Variants in ITPR2 observed in about 807,000 individuals in gnomAD.
ITPR2 encodes inositol 1,4,5-trisphosphate receptor type 2.
A neutral mutation model predicts 317.1 loss-of-function variants in ITPR2; 207 were observed. The ratio of observed to expected loss-of-function variants is 0.65; its 90% confidence interval spans 0.58 to 0.73. The LOEUF (loss-of-function observed/expected upper bound fraction) is 0.73, where lower values mean the gene tolerates loss of function less well. ITPR2 is among the 30% of genes least tolerant of loss of function. The pLI, the probability that ITPR2 is intolerant of heterozygous loss-of-function variation, is 0.00. For missense variants in ITPR2, 2,613 were observed against 3,284.0 expected (o/e 0.80, Z 4.99); for synonymous variants, 1,156 against 1,149.1 (o/e 1.01, Z -0.12).
At chr12:26,375,253 G>A (rs1360041694) in intron 55 of ITPR2, among the ~76,000 whole-genome samples, 3 of 152,162 alleles carry the variant, frequency 2.0e-5, no homozygotes, top group Non-Finnish European at 4.4e-5. Context: ...CAGCACAGCA[G>A]GAGGAAATCT....
intron 37 of ITPR2, among the ~76,000 whole-genome samples, chr12:26,512,636 A>C (rs939034323): frequency 6.6e-6 from 1 of 152,150 alleles, no homozygotes; most frequent in African/African-American, 2.4e-5. Context: ...TTGATGTCTC[A>C]TGTCTCCCAA....
At chr12:26,432,417 A>T (rs1941235322) in intron 48 of ITPR2, among the ~76,000 whole-genome samples, 1 of 152,170 alleles carries the variant, frequency 6.6e-6, no homozygotes, top group Admixed American at 6.5e-5. Context: ...ATCAGGAGGC[A>T]TGTGATGTTG....
At chr12:26,655,109 T>TTGGTGAAA (rs1947341397) in intron 20 of ITPR2, among the ~76,000 whole-genome samples, 2 of 152,208 alleles carry the variant, frequency 1.3e-5, no homozygotes, top group Non-Finnish European at 2.9e-5. Flanking sequence ...ACTGAAAGTA[T>TTGGTGAAA]TTCAATTCAG....
chr12:26,657,946 G>A, intron 17 of ITPR2, 54 bp from the exon 18 acceptor site: 1 of 1,603,900 alleles, frequency 6.2e-7, no homozygotes, highest in Admixed American at 1.7e-5. Flanking sequence ...TTGTAAATAT[G>A]ACAAAGAATT....
chr12:26,395,677 T>C (rs1217145019), intron 54 of ITPR2, among the ~76,000 whole-genome samples: 1 of 152,190 alleles, frequency 6.6e-6, no homozygotes, highest in East Asian at 1.9e-4. Flanking sequence ...ATCATTCTCC[T>C]GTATGGGACT....
At position 26,398,879 on chromosome 12, in the gene ITPR2, A is replaced by C; in HGVS notation, c.7693T>G (p.Cys2565Gly). ...TTAGCATCTGCCGAACACTTACCAC[A>C]GATGAAACAAGTTGTCTTTAGAATT... Reference protein sequence around the residue: ...EEILKTTCFICGLERDKFDNK... With the variant: ...EEILKTTCFIGGLERDKFDNK... Residue 2565 changes from cysteine to glycine, a missense_variant, in exon 54 of 57, where the codon TGT (cysteine) becomes GGT (glycine). Physicochemically the swap from Cys to Gly is radical, Grantham distance 159 (BLOSUM62 -3). This residue lies in a region of ITPR2 where 28 missense variants were observed against 76.0 expected (regional missense o/e 0.37). Coordinates refer to ENST00000381340, the MANE Select transcript of ITPR2 (RefSeq NM_002223.4). The C allele has an allele frequency of 6.2e-7, 1 of 1,609,814 alleles. No homozygotes were observed. Among genetic ancestry groups the C allele is most frequent in the Non-Finnish European group, 8.5e-7 (1 of 1,178,726 alleles).
At position 26,723,407 on chromosome 12, in the gene ITPR2, T is replaced by A. The variant is rs1464406980; in HGVS notation, c.367-852A>T. Reference sequence around the variant, plus strand: ...TTGGGATCCACCATGTTCAAGAACATGGCTCAGCCCCTCAATGACCAAGCT... The same window carrying A: ...TTGGGATCCACCATGTTCAAGAACAAGGCTCAGCCCCTCAATGACCAAGCT... On this transcript the variant is annotated intron_variant, in intron 4 of 56. Coordinates refer to ENST00000381340, the MANE Select transcript of ITPR2 (RefSeq NM_002223.4). Among the ~76,000 whole-genome samples, 5 of 152,144 alleles carry A rather than the reference T, an allele frequency of 3.3e-5. No individual in the cohort carries two copies. In the East Asian group the frequency reaches 9.6e-4, roughly 29 times the overall value.
chr12:26,774,576 G>C (rs1341443888), intron 2 of ITPR2, among the ~76,000 whole-genome samples: 3 of 152,024 alleles, frequency 2.0e-5, no homozygotes, highest in Non-Finnish European at 2.9e-5. Flanking sequence ...TTTGATCTTG[G>C]TGACTGAGCA....
At chr12:26,345,551 G>T (rs1938279620) in intron 55 of ITPR2, among the ~76,000 whole-genome samples, 1 of 152,094 alleles carries the variant, frequency 6.6e-6, no homozygotes, top group Admixed American at 6.6e-5. Context: ...GTTGACTGTG[G>T]GTAACTGGAA....
chr12:26,799,335 C>T (rs140523581), intron 1 of ITPR2, among the ~76,000 whole-genome samples: 43 of 152,306 alleles, frequency 2.8e-4, no homozygotes, highest in Non-Finnish European at 4.9e-4. Flanking sequence ...AATGCTATCA[C>T]CCTGACCAAA....
intron 38 of ITPR2, 67 bp downstream of exon 38, chr12:26,495,085 A>G (rs1591829519): frequency 2.4e-6 from 2 of 846,902 alleles, no homozygotes; most frequent in East Asian, 2.4e-5. Context: ...GTAAAATACT[A>G]GAGTAACACT....
At chr12:26,452,381 C>CAA (rs5797176) in intron 45 of ITPR2, among the ~76,000 whole-genome samples, 1 of 151,822 alleles carries the variant, frequency 6.6e-6, no homozygotes, top group African/African-American at 2.4e-5. Context: ...AACACATTTT[C>CAA]AAAAAAATGA....
intron 52 of ITPR2, among the ~76,000 whole-genome samples, chr12:26,407,775 C>G (rs2136664178): frequency 6.6e-6 from 1 of 152,304 alleles, no homozygotes; most frequent in South Asian, 2.1e-4. Flanking sequence ...TTTAATGCCT[C>G]TTTCCTTAGG....
chr12:26,693,084 A>C (rs977635302), intron 10 of ITPR2, among the ~76,000 whole-genome samples: 5 of 152,168 alleles, frequency 3.3e-5, no homozygotes, highest in African/African-American at 1.2e-4. Context: ...CTTTGCTCTC[A>C]AGCTAGGTAT....
At chr12:26,384,557 G>A (rs1316427857) in intron 55 of ITPR2, among the ~76,000 whole-genome samples, 1 of 152,178 alleles carries the variant, frequency 6.6e-6, no homozygotes, top group Non-Finnish European at 1.5e-5. Context: ...ACATGGATAA[G>A]TACTTGGATA....
chr12:26,418,260 A>G (rs893134071), intron 50 of ITPR2, among the ~76,000 whole-genome samples: 3 of 152,158 alleles, frequency 2.0e-5, no homozygotes, highest in Non-Finnish European at 4.4e-5. Context: ...ACTTGTTTTC[A>G]GGGATCATCT....
At chr12:26,387,671 C>T in intron 54 of ITPR2, 77 bp from the exon 55 acceptor site, 1 of 1,364,596 alleles carries the variant, frequency 7.3e-7, no homozygotes, top group Non-Finnish European at 1.0e-6. Flanking sequence ...AAACAAAACA[C>T]AATAATTATT....
chr12:26,439,143 C>T lies in ITPR2; in HGVS notation c.6627G>A (p.Trp2209Ter). ...TGTACTTACTCCTGATTTTCTTCTG[C>T]CACTTCATTTCATTGTAGAGATCTT... is the stretch of plus-strand genomic sequence containing the variant. ...QTEDLYNEMK[W>*]QKKIRNNPAL... The change falls in exon 47 of 57, where the codon TGG becomes TGA. Residue 2209 changes from tryptophan (W) to a stop codon, truncating the protein, a stop_gained. Transcript: ENST00000381340. LOFTEE classifies it high-confidence loss of function. 6.2e-7 allele frequency: 1 copy of T among 1,605,000 alleles called. No homozygotes were observed. Among genetic ancestry groups the T allele is most frequent in the Non-Finnish European group, 8.5e-7 (1 of 1,175,436 alleles).
chr12:26,475,153 G>T, intron 45 of ITPR2, 143 bp downstream of exon 45: 1 of 847,532 alleles, frequency 1.2e-6, no homozygotes, highest in Non-Finnish European at 1.8e-6. Context: ...CATTCTGGGA[G>T]GCTGTTCCTC....
Sources: gnomAD v4.1 joint callset for allele counts (sites outside exome capture counted in the v4.1 genomes callset) on GRCh38, gnomAD v4.1.1 for gene constraint, gnomAD v4.1.1 regional missense constraint, MANE v1.5 for transcripts, NCBI Gene and HGNC (gene_info 2026-07-23, HGNC 2026-07-21) for gene names.